Variants in ZFP28 observed in about 807,000 individuals in gnomAD.
ZFP28 encodes zinc finger protein 28 homolog.
Under a neutral mutation model 39.5 loss-of-function variants are expected in ZFP28, and 31 were observed. The observed-to-expected ratio is 0.79, with a 90% CI of 0.59 to 1.06. The LOEUF (loss-of-function observed/expected upper bound fraction) is 1.06. Among genes scored for constraint, ZFP28 ranks in the 50% least tolerant of loss-of-function variants. ZFP28 has a pLI of 0.00. For missense variants in ZFP28, 925 were observed against 1,048.4 expected, an observed-to-expected ratio of 0.88 and a Z score of 1.63; for synonymous variants, 400 against 378.6, an observed-to-expected ratio of 1.06 and a Z score of -0.66.
Position 56,539,645 on chromosome 19 carries a change from G to C in ZFP28, c.229G>C (p.Ala77Pro). ...GHRALPSRDT[A>P]LPQERNKKLE... ...TTCAGCTCTGCCTTCCAGGGACACT[G>C]CTCTTCCCCAGGAGAGAAACAAGAA... Residue 77 changes from alanine to proline, a missense_variant, in exon 2 of 8, where the codon GCT becomes CCT. Around this residue, in one of 2 missense-constraint regions of ZFP28, gnomAD observed 556 missense variants for 542.9 expected, o/e 1.02. Coordinates refer to ENST00000301318, the MANE Select transcript of ZFP28 (RefSeq NM_020828.2). The C allele has an allele frequency of 6.8e-6, 11 of 1,614,082 alleles. No individual in the cohort carries two copies. Among genetic ancestry groups the C allele is most frequent in the Non-Finnish European group, 9.3e-6 (11 of 1,180,002 alleles).
chr19:56,547,772 A>G lies in ZFP28; in HGVS notation c.428-35A>G, dbSNP rs748462209. On this transcript the variant is annotated intron_variant, in intron 3 of 7. Coordinates refer to ENST00000301318, the MANE Select transcript of ZFP28 (RefSeq NM_020828.2). This position sits in a 1 kb window ranked among gnomAD's most constrained non-coding sequence, Gnocchi z 4.6. Reference sequence around the variant, plus strand: ...GGACTGCATCTCAGTCTGGACAGCCACACAGTATGACCAGGTTGTTTTTTA... The same window carrying G: ...GGACTGCATCTCAGTCTGGACAGCCGCACAGTATGACCAGGTTGTTTTTTA... The G allele has an allele frequency of 1.2e-6, 2 of 1,612,800 alleles. No individual in the cohort carries two copies. Among genetic ancestry groups the G allele is most frequent in the South Asian group, 2.2e-5 (2 of 91,016 alleles).
In ZFP28 at chr19:56,553,859, G is replaced by A. The variant is rs747777760; in HGVS notation, c.1074G>A (p.Arg358=). The change falls in exon 8 of 8, where the codon AGG becomes AGA. Residue 358 remains arginine, a synonymous_variant. Coordinates refer to ENST00000301318, the MANE Select transcript of ZFP28 (RefSeq NM_020828.2). ...CAGTAGGTCAAGAGACACAATTCAG[G>A]CAAGAGCCAATTACTCATAACAAAA... ...KLAVGQETQF[R]QEPITHNKTL... The A allele has an allele frequency of 1.4e-5, 23 of 1,613,958 alleles. No homozygotes were observed. The South Asian group carries it at 2.2e-4, about 15-fold the overall frequency.
Position 56,547,642 on chromosome 19 carries a change from C to CTCCCACGCCTTT in ZFP28, c.427+14_427+15insGCCTTTTCCCAC. 1 of 1,602,940 alleles carries CTCCCACGCCTTT rather than the reference C, an allele frequency of 6.2e-7. No individual in the cohort carries two copies. Among genetic ancestry groups the CTCCCACGCCTTT allele is most frequent in the South Asian group, 1.1e-5 (1 of 89,160 alleles). ...GGAACCTGGCATCGCTGGGTAAGGG[C>CTCCCACGCCTTT]TCCCACCCCTTTTCCCACCCCTCAC... On this transcript the variant is annotated intron_variant, in intron 3 of 7. Coordinates refer to ENST00000301318, the MANE Select transcript of ZFP28 (RefSeq NM_020828.2). The surrounding 1 kb of genome is among the most constrained non-coding windows in gnomAD (Gnocchi z 4.6).
rs1157555554 is a variant in ZFP28, at chr19:56,556,728, T to C, written c.*1336T>C. Reference sequence around the variant, plus strand: ...AATGATAAAGGAACTCATTTATCAATAGAGGTGAAAGGAAATTATTAAACT... The same window carrying C: ...AATGATAAAGGAACTCATTTATCAACAGAGGTGAAAGGAAATTATTAAACT... On this transcript the variant is annotated 3_prime_UTR_variant, in exon 8 of 8. Coordinates refer to ENST00000301318, the MANE Select transcript of ZFP28 (RefSeq NM_020828.2). The C allele has an allele frequency of 6.6e-6, 1 of 152,100 alleles. No individual in the cohort carries two copies. The highest frequency in any genetic ancestry group is 1.5e-5 in the Non-Finnish European group (1 of 68,000). 9.4% of individuals were successfully genotyped at this position (152,100 alleles called of 1,614,324 possible).
At chr19:56,543,333 G>A (rs2044212173) in intron 2 of ZFP28, among the ~76,000 whole-genome samples, 1 of 146,776 alleles carries the variant, frequency 6.8e-6, no homozygotes, top group Non-Finnish European at 1.5e-5. Context: ...ATATTATATA[G>A]AATATATTAT....
chr19:56,539,022 CG>C lies in ZFP28; in HGVS notation c.10del (p.Ala4ArgfsTer30). The C allele has an allele frequency of 1.6e-6, 2 of 1,272,580 alleles. No individual in the cohort carries two copies. The highest frequency in any genetic ancestry group is 2.9e-5 in the East Asian group (1 of 34,076). 78.8% of individuals were successfully genotyped at this position (1,272,580 alleles called of 1,614,324 possible). A position where few individuals can be genotyped will look rare whatever the true frequency, so the allele number is the denominator to read the frequency against. On this transcript the variant is annotated frameshift_variant, in exon 1 of 8. Transcript: ENST00000301318. LOFTEE classifies it high-confidence loss of function. M[R>X]GAASASVREP... Reference sequence around the variant, plus strand: ...GCGTCGCGCGGCCTCGGGTGACATGCGGGGGGCGGCGAGCGCGAGTGTCCGC... The same window carrying C: ...GCGTCGCGCGGCCTCGGGTGACATGCGGGGGCGGCGAGCGCGAGTGTCCGC...
At chr19:56,553,284 G>C (rs575482147) in intron 7 of ZFP28, among the ~76,000 whole-genome samples, 55 of 151,816 alleles carry the variant, frequency 3.6e-4, no homozygotes, top group Middle Eastern at 3.4e-3. Flanking sequence ...GCAGTGGCTT[G>C]ATCATAGTTT....
Position 56,553,869 on chromosome 19 carries a change from A to G in ZFP28, c.1084A>G (p.Ile362Val). 3 of 1,614,204 alleles carry G rather than the reference A, an allele frequency of 1.9e-6. No homozygotes were observed. The highest frequency in any genetic ancestry group is 2.5e-6 in the Non-Finnish European group (3 of 1,180,040). Residue 362 changes from isoleucine to valine, a missense_variant, in exon 8 of 8, where the codon ATT becomes GTT. Physicochemically the swap from Ile to Val is conservative, Grantham distance 29. Transcript: ENST00000301318. ...AGAGACACAATTCAGGCAAGAGCCA[A>G]TTACTCATAACAAAACCCTCTCTAA... Reference protein sequence around the residue: ...GQETQFRQEPITHNKTLSKER... With the variant: ...GQETQFRQEPVTHNKTLSKER...
At position 56,547,951 on chromosome 19, in the gene ZFP28, C is replaced by T. The variant is rs1466872152; in HGVS notation, c.523+49C>T. 3 of 1,576,650 alleles carry T rather than the reference C, an allele frequency of 1.9e-6. No individual in the cohort carries two copies. The highest frequency in any genetic ancestry group is 2.6e-6 in the Non-Finnish European group (3 of 1,149,564). On this transcript the variant is annotated intron_variant, in intron 4 of 7. Transcript: ENST00000301318. This position sits in a 1 kb window ranked among gnomAD's most constrained non-coding sequence, Gnocchi z 4.6. ...GGTGAGGCCACTGCTGGTCATAGTT[C>T]AGCTGACTCAGACACGCAACATCTT...
chr19:56,552,119 T>A, intron 7 of ZFP28: 1 of 544,094 alleles, frequency 1.8e-6, no homozygotes, highest in Non-Finnish European at 2.3e-6. Context: ...TTTAAATTAT[T>A]TACTGTTGAG....
chr19:56,546,559 A>G lies in ZFP28; in HGVS notation c.301-949A>G, dbSNP rs537045969. On this transcript the variant is annotated intron_variant, in intron 2 of 7. Transcript: ENST00000301318. Reference sequence around the variant, plus strand: ...GGTTCGTAAAGGCATTTCATTAATTAAAAACATTATAGTGCTTTTTGTTTT... The same window carrying G: ...GGTTCGTAAAGGCATTTCATTAATTGAAAACATTATAGTGCTTTTTGTTTT... 3 of 152,314 alleles carry G rather than the reference A, an allele frequency of 2.0e-5. No individual in the cohort carries two copies. In the East Asian group the frequency reaches 5.8e-4, roughly 29 times the overall value. The allele number at this position is 152,314 out of a possible 1,614,324, so 9.4% of individuals were successfully genotyped here.
chr19:56,539,619 T>C lies in ZFP28; in HGVS notation c.209-6T>C. The C allele has an allele frequency of 3.1e-6, 5 of 1,613,678 alleles. No homozygotes were observed. The highest frequency in any genetic ancestry group is 4.2e-6 in the Non-Finnish European group (5 of 1,179,756). On this transcript the variant is annotated splice_polypyrimidine_tract_variant and splice_region_variant and intron_variant, in intron 1 of 7. Transcript: ENST00000301318. The stretch of plus-strand genomic sequence containing the variant: ...CCTGGTCTCTAGCTACTCCTTTCTC[T>C]TTCAGCTCTGCCTTCCAGGGACACT...
chr19:56,542,365 GC>G (rs1417344110), intron 2 of ZFP28, among the ~76,000 whole-genome samples: 1 of 152,132 alleles, frequency 6.6e-6, no homozygotes, highest in African/African-American at 2.4e-5. Flanking sequence ...TGTTTCCCAG[GC>G]TGGTCTCGAA....
intron 4 of ZFP28, 58 bp from the exon 5 acceptor site, chr19:56,548,900 A>G: frequency 6.7e-7 from 1 of 1,485,598 alleles, no homozygotes; most frequent in South Asian, 1.4e-5. Context: ...GCATTTTGGA[A>G]TTTTTCTTCA....
At chr19:56,551,531 T>G (rs1348980419) in intron 7 of ZFP28, 1 of 984,960 alleles carries the variant, frequency 1.0e-6, no homozygotes. Flanking sequence ...TATAATAGAT[T>G]TTTTTCAAGT....
chr19:56,542,890 A>G (rs2044208334), intron 2 of ZFP28, among the ~76,000 whole-genome samples: 1 of 151,930 alleles, frequency 6.6e-6, no homozygotes, highest in African/African-American at 2.4e-5. Context: ...CTTGGCTTCC[A>G]AAGGAGCTGG....
chr19:56,538,938 C>T (rs2044164481), upstream of ZFP28: 1 of 1,171,570 alleles, frequency 8.5e-7, no homozygotes, highest in South Asian at 3.7e-5. Context: ...GGGCTGTTCG[C>T]TGGGCGTGGC....
At chr19:56,549,165 T>C in intron 5 of ZFP28, 44 bp downstream of exon 5, 3 of 1,569,660 alleles carry the variant, frequency 1.9e-6, no homozygotes, top group East Asian at 2.3e-5. Flanking sequence ...GGATCCTTCA[T>C]GAGGAAACTC....
rs1600553719 is a variant in ZFP28 at position 56,555,629 on chromosome 19, A to T, written c.*237A>T. Reference sequence around the variant, plus strand: ...AACTTAGCTGTTTTAAAAACTTTGTATTTGAACATTGAAAAGTTACAGTAG... The same window carrying T: ...AACTTAGCTGTTTTAAAAACTTTGTTTTTGAACATTGAAAAGTTACAGTAG... On this transcript the variant is annotated 3_prime_UTR_variant, in exon 8 of 8. Coordinates refer to ENST00000301318, the MANE Select transcript of ZFP28 (RefSeq NM_020828.2). 8.0e-6 allele frequency: 4 copies of T among 501,610 alleles called. No individual in the cohort carries two copies. Among genetic ancestry groups the T allele is most frequent in the Non-Finnish European group, 1.3e-5 (4 of 299,876 alleles). The allele number at this position is 501,610 out of a possible 1,614,324, so 31.1% of individuals were successfully genotyped here. A position where few individuals can be genotyped will look rare whatever the true frequency, so the allele number is the denominator to read the frequency against.
Sources: gnomAD v4.1 joint callset for allele counts (sites outside exome capture counted in the v4.1 genomes callset) on GRCh38, gnomAD v4.1.1 for gene constraint, gnomAD v4.1.1 regional missense constraint, Gnocchi (gnomAD v3.1) non-coding constraint, MANE v1.5 for transcripts, NCBI Gene and HGNC (gene_info 2026-07-23, HGNC 2026-07-21) for gene names.